Variants in ZBTB40 observed in about 807,000 individuals in gnomAD.
ZBTB40 encodes the protein zinc finger and BTB domain containing 40.
A neutral mutation model predicts 117.5 loss-of-function variants in ZBTB40; 60 were observed. The observed-to-expected ratio is 0.51, with a 90% CI of 0.41 to 0.63. ZBTB40 has a LOEUF of 0.63. ZBTB40 is among the 30% of genes least tolerant of loss of function. The pLI is 0.00. For synonymous variants in ZBTB40, 525 were observed against 577.1 expected, an observed-to-expected ratio of 0.91 and a Z score of 1.29; for missense variants, 1,287 against 1,498.5, an observed-to-expected ratio of 0.86 and a Z score of 2.33.
At chr1:22,515,554 C>T (rs555378809) in intron 12 of ZBTB40, among the ~76,000 whole-genome samples, 5 of 152,308 alleles carry the variant, frequency 3.3e-5, no homozygotes, top group Admixed American at 3.3e-4. Flanking sequence ...AGACGTTGCC[C>T]GCATTCCCTG....
At chr1:22,463,668 A>T (rs1275140175) in intron 1 of ZBTB40, among the ~76,000 whole-genome samples, 1 of 152,218 alleles carries the variant, frequency 6.6e-6, no homozygotes, top group Non-Finnish European at 1.5e-5. Flanking sequence ...ATCTTGGATG[A>T]ACTACTGGAT....
intron 1 of ZBTB40, among the ~76,000 whole-genome samples, chr1:22,456,007 CCTCTTTCAACTCTTCAGCAGAGTGAG>C (rs1327233698): frequency 7.2e-5 from 11 of 152,152 alleles, no homozygotes; most frequent in Non-Finnish European, 4.4e-5. Flanking sequence ...GACCCCTCAG[CCTCTTTCAACTCTTCAGCAGAGTGAG>C]CTCTTTGATT....
rs1174742935 is a variant in ZBTB40 at position 22,528,341 on chromosome 1, G to A, written c.*1945G>A. 1 of 152,390 alleles carries A rather than the reference G, an allele frequency of 6.6e-6. No homozygotes were observed. The highest frequency in any genetic ancestry group is 1.5e-5 in the Non-Finnish European group (1 of 68,048). 9.4% of individuals were successfully genotyped at this position (152,390 alleles called of 1,614,324 possible). A position where few individuals can be genotyped will look rare whatever the true frequency, so the allele number is the denominator to read the frequency against. On this transcript the variant is annotated 3_prime_UTR_variant, in exon 18 of 18. Coordinates refer to ENST00000375647, the MANE Select transcript of ZBTB40 (RefSeq NM_014870.4). Reference sequence around the variant, plus strand: ...AGCCCCTCACAAGCTGTGGGATGGGGCTTGGGAGTTGCAGTGAATGTCATT... The same window carrying A: ...AGCCCCTCACAAGCTGTGGGATGGGACTTGGGAGTTGCAGTGAATGTCATT...
intron 15 of ZBTB40, 29 bp from the exon 16 acceptor site, chr1:22,522,348 C>T (rs1235745543): frequency 6.2e-7 from 1 of 1,611,496 alleles, no homozygotes; most frequent in Admixed American, 1.7e-5. Flanking sequence ...TGTTCTTTCC[C>T]AGCACGTCTT....
chr1:22,517,531 A>C lies in ZBTB40; in HGVS notation c.2833+67A>C. ...GGCACTGGGAAAGCGTGTCAATTGC[A>C]GCAGAGGTGTCAATCCATCAGACCC... On this transcript the variant is annotated intron_variant, in intron 13 of 17. Coordinates refer to ENST00000375647, the MANE Select transcript of ZBTB40 (RefSeq NM_014870.4). 3 of 1,561,570 alleles carry C rather than the reference A, an allele frequency of 1.9e-6. No individual in the cohort carries two copies. The South Asian group carries it at 3.6e-5, about 18-fold the overall frequency.
intron 5 of ZBTB40, among the ~76,000 whole-genome samples, chr1:22,504,763 T>C (rs1279546856): frequency 6.6e-6 from 1 of 152,240 alleles, no homozygotes; most frequent in Non-Finnish European, 1.5e-5. Context: ...TTAAATAACT[T>C]GCCCAAGGTC....
At chr1:22,474,387 A>G (rs1401612173) in intron 1 of ZBTB40, among the ~76,000 whole-genome samples, 1 of 152,226 alleles carries the variant, frequency 6.6e-6, no homozygotes, top group Non-Finnish European at 1.5e-5. Flanking sequence ...CCCTCGGTAC[A>G]AGAGAACAGA....
chr1:22,458,411 A>G (rs1341026622), intron 1 of ZBTB40, among the ~76,000 whole-genome samples: 1 of 152,188 alleles, frequency 6.6e-6, no homozygotes, highest in Non-Finnish European at 1.5e-5. Flanking sequence ...GAAATCTCTC[A>G]GTGGCCACAG....
intron 1 of ZBTB40, among the ~76,000 whole-genome samples, chr1:22,484,773 T>C (rs996897041): frequency 1.8e-4 from 28 of 152,132 alleles, no homozygotes; most frequent in African/African-American, 6.8e-4. Context: ...ATGCCAGCTG[T>C]AGGTTTTTTG....
In ZBTB40 at chr1:22,444,498, C is replaced by G. The variant is rs570626818; in HGVS notation, c.-70+15484C>G. ...ATAGAAAAAGCCTGAAACTGGTGATCAGCAGCTTCCCAATAAGATCTCAGG... is the reference window on the plus strand; with the variant it reads ...ATAGAAAAAGCCTGAAACTGGTGATGAGCAGCTTCCCAATAAGATCTCAGG... On this transcript the variant is annotated intron_variant, in intron 1 of 8. Transcript: ENST00000650433. 9.0e-4 allele frequency among the ~76,000 whole-genome samples: 137 copies of G among 152,300 alleles called. 1 individual carries two copies. The highest frequency in any genetic ancestry group is 9.0e-4 in the Non-Finnish European group (61 of 68,024).
chr1:22,471,214 C>G (rs927642884), intron 1 of ZBTB40, among the ~76,000 whole-genome samples: 2 of 152,214 alleles, frequency 1.3e-5, no homozygotes, highest in African/African-American at 2.4e-5. Context: ...ATTCCAATAG[C>G]ACTCTTTCCC....
upstream of ZBTB40, among the ~76,000 whole-genome samples, chr1:22,447,805 C>T (rs550091465): frequency 6.6e-6 from 1 of 152,316 alleles, no homozygotes; most frequent in South Asian, 2.1e-4. Context: ...CCAACAGCAG[C>T]CTCATCTGAG....
chr1:22,483,795 G>A (rs1322367748), intron 1 of ZBTB40, among the ~76,000 whole-genome samples: 1 of 152,090 alleles, frequency 6.6e-6, no homozygotes, highest in Non-Finnish European at 1.5e-5. Flanking sequence ...CATGGATTGT[G>A]CCTTTGGTGT....
At chr1:22,446,863 G>A (rs951431402), upstream of ZBTB40, among the ~76,000 whole-genome samples, 5 of 152,156 alleles carry the variant, frequency 3.3e-5, no homozygotes, top group Admixed American at 1.3e-4. Flanking sequence ...AGTACGTTGG[G>A]AGGCTGAGGC....
At chr1:22,499,030 T>C (rs966519549) in intron 3 of ZBTB40, among the ~76,000 whole-genome samples, 1 of 152,202 alleles carries the variant, frequency 6.6e-6, no homozygotes, top group African/African-American at 2.4e-5. Flanking sequence ...GGAATCCAGG[T>C]AGAGCTCAAC....
rs562663948 is a variant in ZBTB40, at chr1:22,469,151, A to C, written c.-70+17147A>C. Among the ~76,000 whole-genome samples, 2 of 152,118 alleles carry C rather than the reference A, an allele frequency of 1.3e-5. 1 individual carries two copies. Among genetic ancestry groups the C allele is most frequent in the South Asian group, 4.2e-4 (2 of 4,814 alleles). ...GGTTGTCACTTCCTTTAAGCCATGA[A>C]GTGTTCACTGGTTTATCATTTATGT... On this transcript the variant is annotated intron_variant, in intron 1 of 17. Transcript: ENST00000375647.
At chr1:22,492,201 C>T (rs1198034274) in intron 3 of ZBTB40, among the ~76,000 whole-genome samples, 1 of 152,224 alleles carries the variant, frequency 6.6e-6, no homozygotes, top group African/African-American at 2.4e-5. Context: ...CCTCAGCATT[C>T]TAACTTTAGA....
chr1:22,449,392 A>G (rs943456546), upstream of ZBTB40, among the ~76,000 whole-genome samples: 1 of 152,190 alleles, frequency 6.6e-6, no homozygotes, highest in Non-Finnish European at 1.5e-5. Context: ...AGGCCCTTAC[A>G]AGGTCTAGAA....
At chr1:22,480,364 G>T (rs1638257317) in intron 1 of ZBTB40, among the ~76,000 whole-genome samples, 1 of 151,986 alleles carries the variant, frequency 6.6e-6, no homozygotes, top group African/African-American at 2.4e-5. Flanking sequence ...AGCTTTCGGG[G>T]CATTGTTTCA....
Sources: allele counts gnomAD v4.1 joint callset (sites outside exome capture counted in the v4.1 genomes callset), GRCh38; gene constraint gnomAD v4.1.1; transcripts MANE v1.5; gene names NCBI Gene and HGNC (gene_info 2026-07-23, HGNC 2026-07-21).